The following CRYBG3 variants were observed in gnomAD, a reference collection of about 807,000 sequenced individuals.
CRYBG3 encodes very large A-kinase anchor protein.
A neutral mutation model predicts 244.2 loss-of-function variants in CRYBG3; 127 were observed. The observed-to-expected ratio is 0.52, with a 90% CI of 0.45 to 0.60. The LOEUF is 0.60. CRYBG3 is among the 20% of genes least tolerant of loss of function. CRYBG3 has a pLI of 0.00. For missense variants in CRYBG3, 3,325 were observed against 3,442.5 expected, an observed-to-expected ratio of 0.97 and a Z score of 0.85; for synonymous variants, 1,132 against 1,195.8, an observed-to-expected ratio of 0.95 and a Z score of 1.10.
Position 97,822,182 on chromosome 3 carries a change from C to A in CRYBG3, c.-25C>A. The A allele has an allele frequency of 6.7e-7, 1 of 1,502,814 alleles. No homozygotes were observed. Among genetic ancestry groups the A allele is most frequent in the South Asian group, 1.3e-5 (1 of 78,368 alleles). 93.1% of individuals were successfully genotyped at this position (1,502,814 alleles called of 1,614,324 possible). ...ACCTAGGCCGTTCCCTTCAGACAGC[C>A]CCGGGCCAGCGGCCCCCTCGGGAAA... On this transcript the variant is annotated 5_prime_UTR_variant, in exon 1 of 22. Coordinates refer to ENST00000389622, the MANE Select transcript of CRYBG3 (RefSeq NM_153605.4).
At chr3:97,840,811 T>G (rs944593822) in intron 1 of CRYBG3, 1 of 152,096 alleles carries the variant, frequency 6.6e-6, no homozygotes, top group East Asian at 1.9e-4. Flanking sequence ...CAAAATAGAT[T>G]GTAGTTAGAG....
chr3:97,844,698 G>A (rs1224236630), intron 2 of CRYBG3, among the ~76,000 whole-genome samples: 2 of 152,066 alleles, frequency 1.3e-5, no homozygotes, highest in Non-Finnish European at 2.9e-5. Context: ...CTTATTTCCA[G>A]TAGTGCTGTT....
chr3:97,864,161 A>T, intron 2 of CRYBG3, 56 bp from the exon 3 acceptor site: 1 of 1,289,142 alleles, frequency 7.8e-7, no homozygotes, highest in Non-Finnish European at 1.0e-6. Context: ...ATAGCTTATC[A>T]GTCTGTTTCA....
At chr3:97,839,502 G>T (rs1430266282) in intron 1 of CRYBG3, among the ~76,000 whole-genome samples, 7 of 152,196 alleles carry the variant, frequency 4.6e-5, no homozygotes, top group African/African-American at 1.4e-4. Context: ...GAAGTATGTT[G>T]TAGGATAGGA....
At chr3:97,912,319 T>A in intron 16 of CRYBG3, 43 bp downstream of exon 16, 1 of 976,046 alleles carries the variant, frequency 1.0e-6, no homozygotes, top group Non-Finnish European at 1.5e-6. Context: ...ATTTAATAAC[T>A]AATACTTTTA....
chr3:97,872,550 T>A lies in CRYBG3; in HGVS notation c.1356T>A (p.Ser452Arg). The change falls in exon 4 of 22, where the codon AGT becomes AGA. Residue 452 changes from serine (S) to arginine (R), a missense_variant. By Grantham distance (110) the Ser-to-Arg change is moderately radical. Coordinates refer to ENST00000389622, the MANE Select transcript of CRYBG3 (RefSeq NM_153605.4). The part of the protein sequence containing the change: ...SDGSDTTEQE[S>R]TNLPSPNKSI... ...GGAGTGACACTACTGAGCAGGAAAG[T>A]ACAAATTTGCCAAGTCCAAATAAAT... 1 of 1,535,992 alleles carries A rather than the reference T, an allele frequency of 6.5e-7. No homozygotes were observed. Among genetic ancestry groups the A allele is most frequent in the Non-Finnish European group, 8.7e-7 (1 of 1,146,842 alleles).
chr3:97,842,455 G>C (rs1174648058), intron 1 of CRYBG3, among the ~76,000 whole-genome samples: 1 of 151,978 alleles, frequency 6.6e-6, no homozygotes, highest in South Asian at 2.1e-4. Context: ...TGGATACTTA[G>C]GAGGGTGAGC....
intron 2 of CRYBG3, among the ~76,000 whole-genome samples, chr3:97,861,828 A>C (rs1245350161): frequency 6.6e-6 from 1 of 152,122 alleles, no homozygotes; most frequent in Non-Finnish European, 1.5e-5. Context: ...TCAATCTTAA[A>C]ATTTTAATTC....
intron 20 of CRYBG3, 151 bp from the exon 21 acceptor site, chr3:97,942,133 G>C: frequency 1.9e-6 from 1 of 516,554 alleles, no homozygotes; most frequent in South Asian, 7.1e-5. Context: ...ATTAAAAAAG[G>C]CTTACTGAAA....
chr3:97,892,218 T>A (rs1330827547), intron 10 of CRYBG3, among the ~76,000 whole-genome samples: 2 of 152,158 alleles, frequency 1.3e-5, no homozygotes, highest in Non-Finnish European at 2.9e-5. Context: ...ACCTATAGAA[T>A]GAAATGTTTG....
chr3:97,870,249 GGACATAGTACCT>G (rs2108210942), intron 3 of CRYBG3, among the ~76,000 whole-genome samples: 1 of 152,220 alleles, frequency 6.6e-6, no homozygotes, highest in African/African-American at 2.4e-5. Flanking sequence ...CCCAGGTAAT[GGACATAGTACCT>G]GACAGGTAGT....
At chr3:97,922,330 T>A (rs1471983219) in intron 17 of CRYBG3, among the ~76,000 whole-genome samples, 1 of 151,998 alleles carries the variant, frequency 6.6e-6, no homozygotes, top group Non-Finnish European at 1.5e-5. Flanking sequence ...AAGCCAAAAT[T>A]GACAAATGGG....
At chr3:97,844,886 C>A (rs2038877123) in intron 2 of CRYBG3, among the ~76,000 whole-genome samples, 1 of 152,186 alleles carries the variant, frequency 6.6e-6, no homozygotes, top group Non-Finnish European at 1.5e-5. Context: ...ACCATGCAGT[C>A]ATGAAACTGT....
chr3:97,878,065 AAT>A (rs1316170438), intron 4 of CRYBG3, 28 bp downstream of exon 4: 27 of 1,536,922 alleles, frequency 1.8e-5, no homozygotes, highest in Non-Finnish European at 2.3e-5. Flanking sequence ...TTGTATTAAT[AAT>A]AGTTATTAAA....
chr3:97,913,781 C>T (rs781066715), intron 16 of CRYBG3, among the ~76,000 whole-genome samples: 2 of 151,958 alleles, frequency 1.3e-5, no homozygotes, highest in African/African-American at 4.8e-5. Flanking sequence ...TTAATACTTA[C>T]GTTTAGGATA....
chr3:97,908,525 C>G (rs1225063380), intron 15 of CRYBG3, among the ~76,000 whole-genome samples: 1 of 152,036 alleles, frequency 6.6e-6, no homozygotes, highest in Non-Finnish European at 1.5e-5. Context: ...CTTTTTTGAT[C>G]TTTGTTGGTT....
chr3:97,933,403 C>T, intron 17 of CRYBG3: 1 of 425,946 alleles, frequency 2.3e-6, no homozygotes, highest in Non-Finnish European at 4.4e-6. Context: ...TACAGTACCA[C>T]AAGACCTTAA....
chr3:97,871,233 A>G (rs1049204902), intron 3 of CRYBG3, among the ~76,000 whole-genome samples: 17 of 152,326 alleles, frequency 1.1e-4, no homozygotes, highest in African/African-American at 3.8e-4. Context: ...ACTATACTAA[A>G]TGAATATTTG....
rs752523308 is a variant in CRYBG3 at position 97,912,258 on chromosome 3, T to C, written c.8096T>C (p.Phe2699Ser). ...SDLTSLMPCS[F>S]KVLRGCWLLY... is the part of the protein sequence containing the mutation. ...TTGACTTCACTCATGCCATGTTCTT[T>C]TAAAGTTCTTCGAGGTTGGTAAGTA... The change falls in exon 16 of 22, where the codon TTT (phenylalanine) becomes TCT (serine). Residue 2699 changes from phenylalanine to serine, a missense_variant. Physicochemically the swap from Phe to Ser is radical, Grantham distance 155. Around this residue, in one of 4 missense-constraint regions of CRYBG3, gnomAD observed 714 missense variants for 803.6 expected, o/e 0.89. Coordinates refer to ENST00000389622, the MANE Select transcript of CRYBG3 (RefSeq NM_153605.4). 1.9e-6 allele frequency: 3 copies of C among 1,596,564 alleles called. No individual in the cohort carries two copies. Among genetic ancestry groups the C allele is most frequent in the Non-Finnish European group, 2.6e-6 (3 of 1,169,064 alleles).
Sources: allele counts gnomAD v4.1 joint callset (sites outside exome capture counted in the v4.1 genomes callset), GRCh38; gene constraint gnomAD v4.1.1; regional missense constraint gnomAD v4.1.1; transcripts MANE v1.5; gene names NCBI Gene and HGNC (gene_info 2026-07-23, HGNC 2026-07-21).